The following THSD7B variants were observed in gnomAD, a reference collection of about 807,000 sequenced individuals.
The protein encoded by THSD7B is thrombospondin type-1 domain-containing protein 7B.
In THSD7B, 138 loss-of-function variants were observed where a neutral mutation model predicts 213.6. That is an observed-to-expected ratio of 0.65 (90% CI 0.56 to 0.74). The LOEUF (loss-of-function observed/expected upper bound fraction) is 0.74, where lower values mean the gene tolerates loss of function less well. Among genes scored for constraint, THSD7B ranks in the 30% least tolerant of loss-of-function variants. THSD7B has a pLI of 0.00. For missense variants in THSD7B, 1,931 were observed against 1,991.5 expected, an observed-to-expected ratio of 0.97 and a Z score of 0.58; for synonymous variants, 742 against 687.0, an observed-to-expected ratio of 1.08 and a Z score of -1.25.
rs977927821 is a variant in THSD7B at position 137,146,475 on chromosome 2, A to T, written c.1370-13738A>T. 5.3e-5 allele frequency among the ~76,000 whole-genome samples: 8 copies of T among 151,602 alleles called. No individual in the cohort carries two copies. In the South Asian group the frequency reaches 6.6e-4, roughly 12 times the overall value. ...GAATCATAAAATCTTGGACAGATTT[A>T]AAAAAAACACTTCAGTTGTCTCACT... is the stretch of plus-strand genomic sequence containing the variant. On this transcript the variant is annotated intron_variant, in intron 5 of 27. Transcript: ENST00000409968.
chr2:136,996,673 A>G (rs1349628358), intron 2 of THSD7B, among the ~76,000 whole-genome samples: 1 of 152,168 alleles, frequency 6.6e-6, no homozygotes, highest in Non-Finnish European at 1.5e-5. Flanking sequence ...TGATTTAGAA[A>G]CACACTAGAA....
intron 15 of THSD7B, among the ~76,000 whole-genome samples, chr2:137,559,043 C>T (rs1681047853): frequency 6.6e-6 from 1 of 152,064 alleles, no homozygotes; most frequent in Non-Finnish European, 1.5e-5. Flanking sequence ...AACTACAAAC[C>T]ACTGCTCAAT....
intron 15 of THSD7B, among the ~76,000 whole-genome samples, chr2:137,507,753 C>A (rs950745172): frequency 1.3e-5 from 2 of 151,254 alleles, no homozygotes; most frequent in African/African-American, 4.9e-5. Flanking sequence ...TTTCCCTCTC[C>A]CTCCCTTCCT....
chr2:136,902,070 T>A (rs1429449681), intron 2 of THSD7B, among the ~76,000 whole-genome samples: 4 of 152,202 alleles, frequency 2.6e-5, no homozygotes, highest in Non-Finnish European at 1.5e-5. Flanking sequence ...GTAGTACATT[T>A]CCCTGAAGAT....
At chr2:137,071,033 G>A (rs1687476445) in intron 3 of THSD7B, among the ~76,000 whole-genome samples, 1 of 152,180 alleles carries the variant, frequency 6.6e-6, no homozygotes, top group Non-Finnish European at 1.5e-5. Context: ...ACGTGTGCAT[G>A]TGTCTTTATA....
intron 6 of THSD7B, among the ~76,000 whole-genome samples, chr2:137,168,580 A>T (rs868432350): frequency 2.0e-5 from 3 of 152,304 alleles, no homozygotes; most frequent in East Asian, 1.9e-4. Context: ...TTATGGCAAG[A>T]TGGATGCAAC....
At chr2:137,079,636 C>T (rs1687701100) in intron 3 of THSD7B, among the ~76,000 whole-genome samples, 2 of 152,162 alleles carry the variant, frequency 1.3e-5, no homozygotes. Context: ...TCTGCATGAA[C>T]ACAGAGGTGG....
At chr2:136,812,614 A>G (rs1423329363) in intron 1 of THSD7B, among the ~76,000 whole-genome samples, 1 of 152,166 alleles carries the variant, frequency 6.6e-6, no homozygotes, top group African/African-American at 2.4e-5. Flanking sequence ...TTACTCATCA[A>G]AGCAATTCAC....
chr2:137,079,500 T>G (rs1184752222), intron 3 of THSD7B, among the ~76,000 whole-genome samples: 1 of 152,194 alleles, frequency 6.6e-6, no homozygotes, highest in Non-Finnish European at 1.5e-5. Flanking sequence ...CTTTTTGTCT[T>G]GAATTTTAAT....
chr2:137,028,058 A>G (rs915044098), intron 2 of THSD7B, among the ~76,000 whole-genome samples: 2 of 152,240 alleles, frequency 1.3e-5, no homozygotes, highest in Non-Finnish European at 2.9e-5. Context: ...CATATGCTTC[A>G]TATCATGAAT....
At chr2:137,172,840 G>A (rs1358271925) in intron 7 of THSD7B, among the ~76,000 whole-genome samples, 1 of 152,198 alleles carries the variant, frequency 6.6e-6, no homozygotes, top group African/African-American at 2.4e-5. Context: ...TAGTGTTAGA[G>A]TTGAGTTAAA....
chr2:137,580,925 C>T (rs942838032), intron 17 of THSD7B, among the ~76,000 whole-genome samples: 1 of 152,154 alleles, frequency 6.6e-6, no homozygotes, highest in African/African-American at 2.4e-5. Context: ...AAGGAATCCA[C>T]CCTCATGATC....
At chr2:137,597,267 C>A (rs91435) in intron 17 of THSD7B, among the ~76,000 whole-genome samples, 75,233 of 151,658 alleles carry the variant, frequency 0.5, 19,992 homozygotes, top group African/African-American at 0.69. Flanking sequence ...GTATAGTTAG[C>A]TTATGATTCT....
intron 15 of THSD7B, among the ~76,000 whole-genome samples, chr2:137,455,600 AT>A (rs986175574): frequency 6.6e-6 from 1 of 152,170 alleles, no homozygotes; most frequent in Non-Finnish European, 1.5e-5. Flanking sequence ...AATGACAGCA[AT>A]ACTCGAGTAG....
intron 12 of THSD7B, among the ~76,000 whole-genome samples, chr2:137,384,190 T>C (rs1311801233): frequency 1.3e-5 from 2 of 152,146 alleles, no homozygotes; most frequent in African/African-American, 4.8e-5. Context: ...AGAATCCTAA[T>C]GTGTCTCAGG....
At chr2:137,309,835 C>G (rs980299104) in intron 12 of THSD7B, among the ~76,000 whole-genome samples, 10 of 152,094 alleles carry the variant, frequency 6.6e-5, no homozygotes, top group East Asian at 3.9e-4. Context: ...AGGACATGAA[C>G]TCATCATTTT....
intron 17 of THSD7B, among the ~76,000 whole-genome samples, chr2:137,591,345 G>A (rs997660160): frequency 6.6e-6 from 1 of 151,626 alleles, no homozygotes; most frequent in South Asian, 2.1e-4. Context: ...GAATGGTAAG[G>A]TTTTGACTCT....
chr2:136,939,400 A>C (rs928143760), intron 2 of THSD7B, among the ~76,000 whole-genome samples: 13 of 152,196 alleles, frequency 8.5e-5, no homozygotes, highest in African/African-American at 3.1e-4. Flanking sequence ...GTTTCATGCT[A>C]CTGGAATTTA....
chr2:136,796,360 A>C (rs761452352), intron 1 of THSD7B, among the ~76,000 whole-genome samples: 2 of 151,934 alleles, frequency 1.3e-5, no homozygotes, highest in Non-Finnish European at 2.9e-5. Context: ...ATGATCTGGT[A>C]ATTTCTTCGT....
Sources: allele counts gnomAD v4.1 joint callset (sites outside exome capture counted in the v4.1 genomes callset), GRCh38; gene constraint gnomAD v4.1.1; transcripts MANE v1.5; gene names NCBI Gene and HGNC (gene_info 2026-07-23, HGNC 2026-07-21).